NSUN7: variants seen among roughly 807,000 people sequenced by gnomAD.
NSUN7 encodes the protein NOP2/Sun RNA methyltransferase family member 7.
Under a neutral mutation model 58.5 loss-of-function variants are expected in NSUN7, and 39 were observed. The observed-to-expected ratio is 0.67, with a 90% confidence interval of 0.52 to 0.87. NSUN7 has a LOEUF of 0.87. NSUN7 is among the 40% of genes least tolerant of loss of function. The pLI, the probability that NSUN7 is intolerant of heterozygous loss-of-function variation, is 0.00. For synonymous variants in NSUN7, 278 were observed against 303.7 expected (o/e 0.92, Z 0.88); for missense variants, 765 against 844.1 (o/e 0.91, Z 1.16).
At chr4:40,796,957 C>A (rs1560562863) in intron 9 of NSUN7, among the ~76,000 whole-genome samples, 1 of 152,194 alleles carries the variant, frequency 6.6e-6, no homozygotes, top group Non-Finnish European at 1.5e-5. Context: ...CTATTGCCAT[C>A]ACACGTTCAC....
intron 10 of NSUN7, among the ~76,000 whole-genome samples, chr4:40,806,348 T>G (rs1743807522): frequency 6.6e-6 from 1 of 152,232 alleles, no homozygotes; most frequent in Non-Finnish European, 1.5e-5. Context: ...TGTGGAATAG[T>G]GTTTAATTGC....
At chr4:40,771,135 C>T (rs2154287426) in intron 4 of NSUN7, among the ~76,000 whole-genome samples, 1 of 152,210 alleles carries the variant, frequency 6.6e-6, no homozygotes, top group Non-Finnish European at 1.5e-5. Context: ...AAAAGAGGGA[C>T]TTTAAGATCA....
intron 2 of NSUN7, among the ~76,000 whole-genome samples, chr4:40,760,068 A>G (rs959613656): frequency 6.6e-5 from 10 of 152,152 alleles, no homozygotes; most frequent in South Asian, 2.1e-4. Context: ...AAATTAGCAA[A>G]TCAAATCCAG....
intron 9 of NSUN7, among the ~76,000 whole-genome samples, chr4:40,795,792 G>T (rs115650820): frequency 0.013 from 1,990 of 152,296 alleles, 43 homozygotes; most frequent in African/African-American, 0.044. Context: ...TCTGTCATGG[G>T]ATTAGAGTAA....
chr4:40,760,687 A>AC (rs56771194), intron 3 of NSUN7, among the ~76,000 whole-genome samples, 195 bp downstream of exon 3: 5,547 of 152,018 alleles, frequency 0.036, 333 homozygotes, highest in African/African-American at 0.13. Context: ...ACATGGAGAA[A>AC]CCTGGCTCTA....
chr4:40,793,114 C>G (rs1743167675), intron 8 of NSUN7, among the ~76,000 whole-genome samples: 1 of 151,958 alleles, frequency 6.6e-6, no homozygotes, highest in Non-Finnish European at 1.5e-5. Context: ...AGTCCTTTAA[C>G]AAGTAATGGA....
intron 3 of NSUN7, 63 bp downstream of exon 3, chr4:40,760,555 A>G (rs1056388381): frequency 3.7e-6 from 5 of 1,357,428 alleles, no homozygotes; most frequent in African/African-American, 1.5e-5. Context: ...AAAGTGTTTA[A>G]AAGCCTTTAG....
chr4:40,789,441 G>A (rs575173368), intron 7 of NSUN7, among the ~76,000 whole-genome samples: 9 of 152,212 alleles, frequency 5.9e-5, no homozygotes, highest in African/African-American at 2.2e-4. Flanking sequence ...TGGGAAATGC[G>A]AGCCAGATTA....
Position 40,764,334 on chromosome 4 carries a change from G to GT in NSUN7, c.488+3039dup, listed in dbSNP as rs562014275. Among the ~76,000 whole-genome samples, 563 of 149,066 alleles carry GT rather than the reference G, an allele frequency of 3.8e-3. 6 individuals are homozygous for GT. The highest frequency in any genetic ancestry group is 0.013 in the African/African-American group (528 of 40,400). ...TATAAGTGAGAACATGCAGTGTTTG[G>GT]TTTTTTGTCCTTGCGATAGTTTACT... On this transcript the variant is annotated intron_variant, in intron 4 of 11. Coordinates refer to ENST00000381782, the MANE Select transcript of NSUN7 (RefSeq NM_024677.6).
At chr4:40,779,755 T>C (rs553540538) in intron 7 of NSUN7, among the ~76,000 whole-genome samples, 3 of 152,214 alleles carry the variant, frequency 2.0e-5, no homozygotes, top group Non-Finnish European at 4.4e-5. Flanking sequence ...TTTAATGTTA[T>C]ATGCAATTAA....
chr4:40,755,915 G>A (rs575216484), intron 2 of NSUN7, among the ~76,000 whole-genome samples: 5 of 152,174 alleles, frequency 3.3e-5, no homozygotes, highest in African/African-American at 4.8e-5. Context: ...ATAACAACAT[G>A]AATGAAGCAT....
At chr4:40,787,882 T>C (rs1742905951) in intron 7 of NSUN7, among the ~76,000 whole-genome samples, 1 of 152,224 alleles carries the variant, frequency 6.6e-6, no homozygotes, top group African/African-American at 2.4e-5. Context: ...CCCAGACGAC[T>C]AGAGTGCAGT....
chr4:40,756,513 C>T (rs190594562), intron 2 of NSUN7, among the ~76,000 whole-genome samples: 17 of 152,232 alleles, frequency 1.1e-4, no homozygotes, highest in Admixed American at 7.9e-4. Flanking sequence ...TAGGCATTAT[C>T]GGTGTGGTGT....
intron 4 of NSUN7, among the ~76,000 whole-genome samples, chr4:40,766,567 G>A (rs952466488): frequency 2.6e-5 from 4 of 152,316 alleles, no homozygotes; most frequent in Admixed American, 2.6e-4. Flanking sequence ...TCTCTGCCTG[G>A]CTTTGGTATG....
In NSUN7 at chr4:40,808,645, C is replaced by G. The variant is rs369808046; in HGVS notation, c.1863C>G (p.Asn621Lys). Residue 621 changes from asparagine (N) to lysine (K), a missense_variant, in exon 12 of 12, where the codon AAC (asparagine) becomes AAG (lysine). By Grantham distance (94) the Asn-to-Lys change is moderately conservative. Coordinates refer to ENST00000381782, the MANE Select transcript of NSUN7 (RefSeq NM_024677.6). ...CTGCAGTGCCTGCATTTGTGAAGAA[C>G]ACTTGTCCCTCCAGACCGCGTGAAC... is the stretch of plus-strand genomic sequence containing the variant. ...PHPAVPAFVKNTCPSRPRERQ... is the reference protein window; with the variant it reads ...PHPAVPAFVKKTCPSRPRERQ... 26 of 1,551,914 alleles carry G rather than the reference C, an allele frequency of 1.7e-5. No homozygotes were observed. The highest frequency in any genetic ancestry group is 2.3e-5 in the Non-Finnish European group (26 of 1,147,048).
intron 2 of NSUN7, among the ~76,000 whole-genome samples, chr4:40,755,415 G>A (rs981968235): frequency 6.6e-6 from 1 of 151,542 alleles, no homozygotes; most frequent in Non-Finnish European, 1.5e-5. Flanking sequence ...TAAAAACCTG[G>A]CAATTTTTTT....
chr4:40,804,172 G>A (rs889842982), intron 10 of NSUN7, among the ~76,000 whole-genome samples: 1 of 152,174 alleles, frequency 6.6e-6, no homozygotes, highest in Non-Finnish European at 1.5e-5. Flanking sequence ...GGGCATGGTG[G>A]CTCACGCCTG....
chr4:40,755,486 T>C (rs1741098262), intron 2 of NSUN7, among the ~76,000 whole-genome samples: 1 of 152,174 alleles, frequency 6.6e-6, no homozygotes, highest in African/African-American at 2.4e-5. Context: ...ATCCCTGAAA[T>C]TGCTTATCTT....
chr4:40,799,242 C>T (rs1400288303), intron 10 of NSUN7, among the ~76,000 whole-genome samples: 4 of 151,762 alleles, frequency 2.6e-5, no homozygotes, highest in African/African-American at 9.7e-5. Context: ...AGTGCCACCA[C>T]GCCAGGCTAA....
Sources: allele counts gnomAD v4.1 joint callset (sites outside exome capture counted in the v4.1 genomes callset), GRCh38; gene constraint gnomAD v4.1.1; transcripts MANE v1.5; gene names NCBI Gene and HGNC (gene_info 2026-07-23, HGNC 2026-07-21).